Variants in TMEM132D observed in about 807,000 individuals in gnomAD.
The protein encoded by TMEM132D is transmembrane protein 132D.
In TMEM132D, 21 loss-of-function variants were observed where a neutral mutation model predicts 62.3. The ratio of observed to expected loss-of-function variants is 0.34; its 90% CI spans 0.24 to 0.49. The LOEUF (loss-of-function observed/expected upper bound fraction) is 0.49. Among genes scored for constraint, TMEM132D ranks in the 20% least tolerant of loss-of-function variants. The pLI is 0.99. For synonymous variants in TMEM132D, 621 were observed against 575.6 expected (o/e 1.08, Z -1.13); for missense variants, 1,346 against 1,402.8 (o/e 0.96, Z 0.65).
intron 2 of TMEM132D, among the ~76,000 whole-genome samples, chr12:129,578,967 T>A (rs1318667672): frequency 6.6e-6 from 1 of 152,198 alleles, no homozygotes; most frequent in Non-Finnish European, 1.5e-5. Flanking sequence ...TATCTGGGCA[T>A]CCCACAGTCC....
chr12:129,853,257 G>A (rs1342718752), intron 1 of TMEM132D: 3 of 152,214 alleles, frequency 2.0e-5, no homozygotes, highest in Non-Finnish European at 2.9e-5. Context: ...TTCAGAAATC[G>A]ATGATGTTTC....
Position 129,464,421 on chromosome 12 carries a change from T to C in TMEM132D, c.1115+66638A>G, listed in dbSNP as rs533187446. On this transcript the variant is annotated intron_variant, in intron 3 of 8. Coordinates refer to ENST00000422113, the MANE Select transcript of TMEM132D (RefSeq NM_133448.3). ...AAAAATTTTCTCCCATTTTGTAGGT[T>C]GCCTGTTCACTCTGATGGTAGTTTC... 1.3e-3 allele frequency among the ~76,000 whole-genome samples: 202 copies of C among 152,338 alleles called. 1 individual carries two copies. Among genetic ancestry groups the C allele is most frequent in the African/African-American group, 4.7e-3 (195 of 41,586 alleles).
intron 1 of TMEM132D, chr12:129,852,822 T>C (rs1943367639): frequency 6.6e-6 from 1 of 152,230 alleles, no homozygotes; most frequent in South Asian, 2.1e-4. Context: ...TATGCGCTTT[T>C]CACTGTGCCT....
intron 1 of TMEM132D, among the ~76,000 whole-genome samples, chr12:129,796,354 G>A (rs375861172): frequency 1.3e-5 from 2 of 151,926 alleles, no homozygotes; most frequent in African/African-American, 2.4e-5. Context: ...GTTAACCTAC[G>A]GATACCATTT....
intron 3 of TMEM132D, among the ~76,000 whole-genome samples, chr12:129,529,141 C>T (rs755073275): frequency 1.3e-5 from 2 of 152,090 alleles, no homozygotes; most frequent in African/African-American, 4.8e-5. Context: ...ATATCCTGGC[C>T]TCCAGAAGAC....
intron 1 of TMEM132D, among the ~76,000 whole-genome samples, chr12:129,760,010 A>G (rs1405966479): frequency 1.3e-5 from 2 of 152,006 alleles, no homozygotes; most frequent in African/African-American, 4.8e-5. Context: ...GATTCAAGCA[A>G]TCCTCTGCCT....
At chr12:129,720,730 T>A (rs1319986472) in intron 1 of TMEM132D, among the ~76,000 whole-genome samples, 1 of 152,222 alleles carries the variant, frequency 6.6e-6, no homozygotes, top group East Asian at 1.9e-4. Context: ...ACAGAGAGAA[T>A]CTGCTTAACA....
chr12:129,326,048 C>A (rs906882918), intron 4 of TMEM132D, among the ~76,000 whole-genome samples: 3 of 152,200 alleles, frequency 2.0e-5, no homozygotes, highest in African/African-American at 7.2e-5. Flanking sequence ...TCGCTCATGA[C>A]AGGGATTAAC....
intron 4 of TMEM132D, among the ~76,000 whole-genome samples, chr12:129,275,087 C>T (rs1242947404): frequency 6.6e-6 from 1 of 152,072 alleles, no homozygotes; most frequent in East Asian, 1.9e-4. Flanking sequence ...TAAGACTAGC[C>T]TGGTCAACAG....
intron 1 of TMEM132D, among the ~76,000 whole-genome samples, chr12:129,862,981 C>T (rs968871981): frequency 1.3e-5 from 2 of 151,992 alleles, no homozygotes; most frequent in Non-Finnish European, 2.9e-5. Flanking sequence ...CCTTCCTCAG[C>T]GAGGGAGGGA....
chr12:129,894,788 T>C (rs771271329), intron 1 of TMEM132D, among the ~76,000 whole-genome samples: 42 of 152,150 alleles, frequency 2.8e-4, no homozygotes, highest in Non-Finnish European at 2.9e-4. Context: ...TCAACTCTTA[T>C]TAAGCTTATT....
intron 3 of TMEM132D, among the ~76,000 whole-genome samples, chr12:129,507,850 C>A (rs1322856815): frequency 1.3e-5 from 2 of 152,108 alleles, no homozygotes; most frequent in Non-Finnish European, 2.9e-5. Context: ...TCCCCAATAA[C>A]CTATGGAAAC....
intron 1 of TMEM132D, among the ~76,000 whole-genome samples, chr12:129,832,752 G>A (rs1296363809): frequency 1.3e-5 from 2 of 152,142 alleles, no homozygotes; most frequent in Non-Finnish European, 2.9e-5. Context: ...CACAAACCCG[G>A]CCATGATCTG....
At chr12:129,558,111 T>A (rs1383434194) in intron 2 of TMEM132D, among the ~76,000 whole-genome samples, 1 of 152,162 alleles carries the variant, frequency 6.6e-6, no homozygotes, top group African/African-American at 2.4e-5. Context: ...CAAAGATGTA[T>A]CACTTGCTCA....
chr12:129,442,561 A>G (rs1447846517), intron 3 of TMEM132D, among the ~76,000 whole-genome samples: 1 of 152,182 alleles, frequency 6.6e-6, no homozygotes, highest in Non-Finnish European at 1.5e-5. Flanking sequence ...TATCTACTGC[A>G]TATGCATCCC....
chr12:129,713,560 T>G (rs2137238241), intron 1 of TMEM132D, among the ~76,000 whole-genome samples: 1 of 152,300 alleles, frequency 6.6e-6, no homozygotes, highest in South Asian at 2.1e-4. Context: ...GATGAGCAGC[T>G]TTGGTCTCAT....
At chr12:129,640,522 T>C (rs1356408799) in intron 2 of TMEM132D, among the ~76,000 whole-genome samples, 1 of 152,094 alleles carries the variant, frequency 6.6e-6, no homozygotes, top group Non-Finnish European at 1.5e-5. Flanking sequence ...AGCTTCACAG[T>C]GAGCTATTGG....
At chr12:129,747,878 C>T (rs528028337) in intron 1 of TMEM132D, among the ~76,000 whole-genome samples, 11 of 150,956 alleles carry the variant, frequency 7.3e-5, no homozygotes, top group African/African-American at 2.4e-4. Context: ...CACACACACA[C>T]ATTCAGACAC....
intron 3 of TMEM132D, among the ~76,000 whole-genome samples, chr12:129,528,769 G>C (rs1359484266): frequency 6.6e-6 from 1 of 152,184 alleles, no homozygotes; most frequent in Non-Finnish European, 1.5e-5. Flanking sequence ...AACATTTATA[G>C]ACAGCCCACT....
Sources: gnomAD v4.1 joint callset for allele counts (sites outside exome capture counted in the v4.1 genomes callset) on GRCh38, gnomAD v4.1.1 for gene constraint, MANE v1.5 for transcripts, NCBI Gene and HGNC (gene_info 2026-07-23, HGNC 2026-07-21) for gene names.